Variants in THSD7B observed in about 807,000 individuals in gnomAD.
THSD7B encodes the protein thrombospondin type 1 domain containing 7B, also known as thrombospondin type-1 domain-containing protein 7B.
Under a neutral mutation model 213.6 loss-of-function variants are expected in THSD7B, and 138 were observed. The observed-to-expected ratio is 0.65, with a 90% CI of 0.56 to 0.74. The LOEUF (loss-of-function observed/expected upper bound fraction) is 0.74. Among genes scored for constraint, THSD7B ranks in the 30% least tolerant of loss-of-function variants. The pLI is 0.00. For missense variants in THSD7B, 1,931 were observed against 1,991.5 expected (o/e 0.97, Z 0.58); for synonymous variants, 742 against 687.0 (o/e 1.08, Z -1.25).
intron 7 of THSD7B, among the ~76,000 whole-genome samples, chr2:137,187,376 A>G (rs972158052): frequency 6.6e-6 from 1 of 152,196 alleles, no homozygotes; most frequent in Admixed American, 6.5e-5. Flanking sequence ...CACATAGACC[A>G]TGGTGTGCAA....
intron 15 of THSD7B, among the ~76,000 whole-genome samples, chr2:137,472,385 A>G (rs577503815): frequency 6.6e-6 from 1 of 152,202 alleles, no homozygotes; most frequent in Non-Finnish European, 1.5e-5. Flanking sequence ...TATATTTACT[A>G]TAATCAAAAC....
At chr2:136,796,706 A>G (rs1361793568) in intron 1 of THSD7B, among the ~76,000 whole-genome samples, 2 of 151,916 alleles carry the variant, frequency 1.3e-5, no homozygotes, top group Non-Finnish European at 2.9e-5. Flanking sequence ...TCTAAAGTCA[A>G]TATTTGTTTA....
intron 2 of THSD7B, among the ~76,000 whole-genome samples, chr2:137,016,722 C>T (rs1462810526): frequency 6.6e-6 from 1 of 152,066 alleles, no homozygotes; most frequent in African/African-American, 2.4e-5. Context: ...GTTAATGCAC[C>T]TTAATGTAGT....
intron 15 of THSD7B, among the ~76,000 whole-genome samples, chr2:137,495,905 AT>A (rs1679552402): frequency 1.3e-5 from 2 of 152,158 alleles, no homozygotes; most frequent in Admixed American, 6.5e-5. Context: ...CGCTAAATTT[AT>A]TGGCCAATTT....
chr2:137,464,052 C>T (rs1687938664), intron 15 of THSD7B, among the ~76,000 whole-genome samples: 1 of 151,970 alleles, frequency 6.6e-6, no homozygotes, highest in African/African-American at 2.4e-5. Flanking sequence ...AGGTTTAGAC[C>T]ATAGGAATAT....
chr2:137,429,418 G>C (rs1175637250), intron 14 of THSD7B, among the ~76,000 whole-genome samples: 1 of 152,084 alleles, frequency 6.6e-6, no homozygotes, highest in Non-Finnish European at 1.5e-5. Flanking sequence ...GAACATATCT[G>C]TGTATGTATA....
Position 137,160,332 on chromosome 2 carries a change from A to C in THSD7B, c.1489A>C (p.Ile497Leu). The C allele has an allele frequency of 6.2e-7, 1 of 1,613,520 alleles. No homozygotes were observed. The highest frequency in any genetic ancestry group is 8.5e-7 in the Non-Finnish European group (1 of 1,179,638). ...TTCCTGGTCAGCCTGGGGCCTGTGC[A>C]TCCATGAAAACTGTCATGATCCTCA... ...VSSWSAWGLC[I>L]HENCHDPQGK... The change falls in exon 6 of 28, where the codon ATC (isoleucine) becomes CTC (leucine). Residue 497 changes from isoleucine (I) to leucine (L), a missense_variant. Ile to Leu is a conservative substitution (Grantham distance 5). Coordinates refer to ENST00000409968, the MANE Select transcript of THSD7B (RefSeq NM_001316349.2).
chr2:137,376,603 ATATT>A (rs1459425640), intron 12 of THSD7B, among the ~76,000 whole-genome samples: 5 of 152,224 alleles, frequency 3.3e-5, no homozygotes, highest in East Asian at 1.9e-4. Context: ...GTGAATTAGC[ATATT>A]TATTCTTTCT....
intron 20 of THSD7B, among the ~76,000 whole-genome samples, chr2:137,624,224 G>A (rs186089677): frequency 5.3e-5 from 8 of 152,264 alleles, no homozygotes; most frequent in Admixed American, 2.0e-4. Flanking sequence ...ACAAGAAATG[G>A]GAAAAGGATT....
intron 15 of THSD7B, among the ~76,000 whole-genome samples, chr2:137,494,452 A>G (rs1043337935): frequency 6.6e-6 from 1 of 152,072 alleles, no homozygotes; most frequent in Non-Finnish European, 1.5e-5. Context: ...AGAAATAAAG[A>G]TGATAGTTAG....
intron 2 of THSD7B, among the ~76,000 whole-genome samples, chr2:136,927,665 A>G (rs1355080997): frequency 6.6e-6 from 1 of 152,176 alleles, no homozygotes; most frequent in Non-Finnish European, 1.5e-5. Flanking sequence ...ACCAAAGTGA[A>G]TGTTGCGTCT....
chr2:137,160,208 C>T lies in THSD7B; in HGVS notation c.1370-5C>T. On this transcript the variant is annotated splice_region_variant and splice_polypyrimidine_tract_variant and intron_variant, in intron 5 of 27. Coordinates refer to ENST00000409968, the MANE Select transcript of THSD7B (RefSeq NM_001316349.2). ...GACATGGTCCGTTATCTTTTTGTCC[C>T]TCAGTCTCTAGACCTGTGGAAAAGG... 1 of 1,607,508 alleles carries T rather than the reference C, an allele frequency of 6.2e-7. No individual in the cohort carries two copies. Among genetic ancestry groups the T allele is most frequent in the African/African-American group, 1.3e-5 (1 of 74,670 alleles).
At chr2:137,016,634 C>T (rs1369128481) in intron 2 of THSD7B, among the ~76,000 whole-genome samples, 1 of 152,070 alleles carries the variant, frequency 6.6e-6, no homozygotes, top group Non-Finnish European at 1.5e-5. Flanking sequence ...AGTTTATTTC[C>T]TTAACACTAC....
At chr2:137,038,439 C>T (rs2104859191) in intron 2 of THSD7B, among the ~76,000 whole-genome samples, 2 of 152,286 alleles carry the variant, frequency 1.3e-5, no homozygotes, top group South Asian at 4.1e-4. Flanking sequence ...GCCCGGCATC[C>T]CTTTGGAAAA....
intron 1 of THSD7B, among the ~76,000 whole-genome samples, chr2:136,827,267 A>G (rs567234866): frequency 6.6e-6 from 1 of 152,326 alleles, no homozygotes; most frequent in South Asian, 2.1e-4. Context: ...AATATCCACA[A>G]TACTTAGAAA....
At chr2:137,557,519 G>A (rs1215039819) in intron 15 of THSD7B, among the ~76,000 whole-genome samples, 1 of 151,986 alleles carries the variant, frequency 6.6e-6, no homozygotes, top group Non-Finnish European at 1.5e-5. Flanking sequence ...AAACCAACGA[G>A]AACAAAGACA....
intron 12 of THSD7B, among the ~76,000 whole-genome samples, chr2:137,328,719 A>C (rs1684426842): frequency 6.6e-6 from 1 of 152,088 alleles, no homozygotes; most frequent in African/African-American, 2.4e-5. Flanking sequence ...GGTGAGAGGG[A>C]CCTGGTGGGA....
At chr2:137,155,452 A>G (rs1012361328) in intron 5 of THSD7B, among the ~76,000 whole-genome samples, 1 of 152,220 alleles carries the variant, frequency 6.6e-6, no homozygotes, top group African/African-American at 2.4e-5. Flanking sequence ...TTTCAGAGAA[A>G]GGAGTGCAGG....
chr2:137,515,632 A>G (rs1206981410), intron 15 of THSD7B, among the ~76,000 whole-genome samples: 4 of 152,198 alleles, frequency 2.6e-5, no homozygotes, highest in Non-Finnish European at 5.9e-5. Flanking sequence ...ACAGAGTTGA[A>G]TCAGGCTGAA....
Sources: allele counts gnomAD v4.1 joint callset (sites outside exome capture counted in the v4.1 genomes callset), GRCh38; gene constraint gnomAD v4.1.1; transcripts MANE v1.5; gene names NCBI Gene and HGNC (gene_info 2026-07-23, HGNC 2026-07-21).